Variants in KLHL2 observed in about 807,000 individuals in gnomAD.
The protein encoded by KLHL2 is kelch like family member 2.
KLHL2 carries 15 observed loss-of-function variants against 75.8 expected under a neutral mutation model. That is an observed-to-expected ratio of 0.20 (90% confidence interval 0.13 to 0.30). KLHL2 has a LOEUF of 0.30. Ranked by LOEUF, KLHL2 falls within the 10% of genes least tolerant of loss-of-function variation. The pLI is 1.00. For missense variants in KLHL2, 381 were observed against 741.0 expected (o/e 0.51, Z 5.64); for synonymous variants, 214 against 251.9 (o/e 0.85, Z 1.42).
intron 1 of KLHL2, among the ~76,000 whole-genome samples, chr4:165,212,024 T>C (rs116475291): frequency 2.6e-5 from 4 of 152,316 alleles, no homozygotes; most frequent in Non-Finnish European, 5.9e-5. Flanking sequence ...GCAGGTTTTT[T>C]CAAGGTGATC....
At chr4:165,264,990 C>A (rs1742131035) in intron 5 of KLHL2, among the ~76,000 whole-genome samples, 1 of 151,634 alleles carries the variant, frequency 6.6e-6, no homozygotes, top group African/African-American at 2.4e-5. Flanking sequence ...TACATTCCCA[C>A]CAGCAGCATA....
At chr4:165,245,224 A>G (rs114721396) in intron 4 of KLHL2, among the ~76,000 whole-genome samples, 2 of 151,984 alleles carry the variant, frequency 1.3e-5, no homozygotes, top group African/African-American at 4.8e-5. Context: ...ACAACAACAA[A>G]AAAAACTGAG....
intron 5 of KLHL2, among the ~76,000 whole-genome samples, chr4:165,288,583 C>G (rs556320331): frequency 2.3e-4 from 35 of 152,256 alleles, no homozygotes; most frequent in Non-Finnish European, 4.3e-4. Flanking sequence ...CTTCCTTGTT[C>G]ATTTTTACAG....
At chr4:165,313,205 T>C (rs771063232) in intron 11 of KLHL2, 33 bp from the exon 12 acceptor site, 177 of 1,589,554 alleles carry the variant, frequency 1.1e-4, no homozygotes, top group Non-Finnish European at 1.4e-4. Context: ...TGTTTTTTAA[T>C]AAATTTGGCT....
intron 5 of KLHL2, among the ~76,000 whole-genome samples, chr4:165,267,343 A>G (rs1742318724): frequency 6.6e-6 from 1 of 152,200 alleles, no homozygotes; most frequent in African/African-American, 2.4e-5. Flanking sequence ...AACTTCCAAC[A>G]CTATGTGGAA....
intron 5 of KLHL2, among the ~76,000 whole-genome samples, chr4:165,263,805 G>GTTTTTTTT (rs55901119): frequency 9.0e-5 from 6 of 66,508 alleles, no homozygotes; most frequent in East Asian, 5.8e-4. Flanking sequence ...TTTTTACATT[G>GTTTTTTTT]TTTTTTTTTT....
chr4:165,225,557 A>C (rs1738373195), intron 2 of KLHL2, among the ~76,000 whole-genome samples: 1 of 152,228 alleles, frequency 6.6e-6, no homozygotes, highest in Admixed American at 6.5e-5. Flanking sequence ...TCACCATGGA[A>C]GACTTTGCAT....
intron 4 of KLHL2, among the ~76,000 whole-genome samples, chr4:165,251,641 G>A (rs1466550558): frequency 1.5e-5 from 2 of 131,720 alleles, no homozygotes; most frequent in East Asian, 4.3e-4. Context: ...ACGGAGTCTC[G>A]CTCTGTCGCC....
In KLHL2 at chr4:165,218,112, T is replaced by C. The variant is rs186599702; in HGVS notation, c.27-1822T>C. Reference sequence around the variant, plus strand: ...ACTGTCCTCCCTAAGCCACTGTCATTTTTTAGTGAATTATTGTAATATCCT... The same window carrying C: ...ACTGTCCTCCCTAAGCCACTGTCATCTTTTAGTGAATTATTGTAATATCCT... On this transcript the variant is annotated intron_variant, in intron 1 of 14. Coordinates refer to ENST00000226725, the MANE Select transcript of KLHL2 (RefSeq NM_007246.4). 6.8e-3 allele frequency among the ~76,000 whole-genome samples: 1,043 copies of C among 152,300 alleles called. 13 individuals are homozygous for C. Among genetic ancestry groups the C allele is most frequent in the African/African-American group, 0.024 (987 of 41,550 alleles).
chr4:165,228,722 G>A (rs2111036363), intron 2 of KLHL2, 85 bp from the exon 3 acceptor site: 2 of 757,484 alleles, frequency 2.6e-6, no homozygotes, highest in South Asian at 3.2e-5. Context: ...ATGAAAGTGG[G>A]CTTTACTGTA....
intron 5 of KLHL2, among the ~76,000 whole-genome samples, chr4:165,275,978 AAG>A (rs1279817970): frequency 6.6e-6 from 1 of 151,786 alleles, no homozygotes; most frequent in Non-Finnish European, 1.5e-5. Context: ...AAAAAAAAAA[AAG>A]AGCCAGGCAT....
At chr4:165,281,051 A>G (rs1430662715) in intron 5 of KLHL2, among the ~76,000 whole-genome samples, 5 of 152,198 alleles carry the variant, frequency 3.3e-5, no homozygotes, top group Admixed American at 2.0e-4. Context: ...TGTGGATCTC[A>G]GAGACTATTG....
intron 2 of KLHL2, among the ~76,000 whole-genome samples, chr4:165,225,468 C>A (rs1738363329): frequency 6.6e-6 from 1 of 152,086 alleles, no homozygotes; most frequent in Non-Finnish European, 1.5e-5. Flanking sequence ...CTTATTTATA[C>A]CATTATTTTG....
At chr4:165,229,196 C>T (rs547417211) in intron 3 of KLHL2, among the ~76,000 whole-genome samples, 13 of 152,132 alleles carry the variant, frequency 8.5e-5, no homozygotes, top group Admixed American at 7.9e-4. Flanking sequence ...CTTTTTGGCA[C>T]TTTATTATTT....
intron 5 of KLHL2, among the ~76,000 whole-genome samples, chr4:165,268,676 GAC>G (rs1338380268): frequency 5.9e-5 from 9 of 152,198 alleles, no homozygotes; most frequent in African/African-American, 1.9e-4. Context: ...TGGTCTGAGA[GAC>G]AGTTTGTTGT....
intron 1 of KLHL2, 194 bp from the exon 2 acceptor site, chr4:165,219,740 A>C: frequency 2.3e-6 from 3 of 1,277,926 alleles, no homozygotes; most frequent in Non-Finnish European, 3.0e-6. Flanking sequence ...CCCACTTTTT[A>C]ATTGAAACCA....
At chr4:165,215,883 C>CTT (rs1737501579) in intron 1 of KLHL2, among the ~76,000 whole-genome samples, 1 of 151,996 alleles carries the variant, frequency 6.6e-6, no homozygotes, top group Non-Finnish European at 1.5e-5. Flanking sequence ...TCCTATACTC[C>CTT]TGGAGATGCC....
intron 5 of KLHL2, among the ~76,000 whole-genome samples, chr4:165,264,704 G>GTGTT (rs1323043527): frequency 1.2e-5 from 1 of 82,844 alleles, no homozygotes; most frequent in Non-Finnish European, 2.2e-5. Flanking sequence ...GTGTGTGTGT[G>GTGTT]TATATATATA....
At chr4:165,268,354 G>A (rs2126318217) in intron 5 of KLHL2, among the ~76,000 whole-genome samples, 1 of 152,164 alleles carries the variant, frequency 6.6e-6, no homozygotes, top group East Asian at 1.9e-4. Flanking sequence ...TCTTCTGCTA[G>A]CTTTTGAATG....
Sources: gnomAD v4.1 joint callset for allele counts (sites outside exome capture counted in the v4.1 genomes callset) on GRCh38, gnomAD v4.1.1 for gene constraint, MANE v1.5 for transcripts, NCBI Gene and HGNC (gene_info 2026-07-23, HGNC 2026-07-21) for gene names.